The following SPRR2G variants were observed in gnomAD, a reference collection of about 807,000 sequenced individuals.
SPRR2G encodes small proline rich protein 2G.
Under a neutral mutation model 0.7 loss-of-function variants are expected in SPRR2G, and 1 was observed. The ratio of observed to expected loss-of-function variants is 1.49; its 90% confidence interval spans 0.53 to 7.06. The LOEUF (loss-of-function observed/expected upper bound fraction) is 7.06, where lower values mean the gene tolerates loss of function less well. Among genes scored for constraint, SPRR2G ranks in the 30% most tolerant of loss-of-function variants. The probability of loss-of-function intolerance (pLI) is 0.14; values close to 1 mark genes in which losing one functional copy is unlikely to be tolerated. For synonymous variants in SPRR2G, 38 were observed against 33.9 expected (o/e 1.12, Z -0.42); for missense variants, 96 against 88.5 (o/e 1.09, Z -0.34).
chr1:153,198,100 T>C, the SPRR2G span, among the ~76,000 whole-genome samples: 1 of 152,136 alleles, frequency 6.6e-6, no homozygotes, highest in African/African-American at 2.4e-5. Context: ...AGAGAAATCA[T>C]GCCCAAGGAG....
At chr1:153,195,692 A>T in the SPRR2G span, among the ~76,000 whole-genome samples, 1 of 152,270 alleles carries the variant, frequency 6.6e-6, no homozygotes, top group African/African-American at 2.4e-5. Flanking sequence ...CAATTACAAC[A>T]TTTATTTATC....
chr1:153,192,235 A>T, the SPRR2G span, among the ~76,000 whole-genome samples: 1 of 152,208 alleles, frequency 6.6e-6, no homozygotes, highest in Admixed American at 6.5e-5. Flanking sequence ...AAGGCAGAGC[A>T]GAGGATGTCT....
At chr1:153,171,492 C>A in the SPRR2G span, among the ~76,000 whole-genome samples, 1 of 152,146 alleles carries the variant, frequency 6.6e-6, no homozygotes, top group African/African-American at 2.4e-5. Flanking sequence ...ACACCATATA[C>A]CCTTTCAGTA....
At chr1:153,172,257 T>C in the SPRR2G span, among the ~76,000 whole-genome samples, 1 of 152,222 alleles carries the variant, frequency 6.6e-6, no homozygotes, top group Admixed American at 6.5e-5. Context: ...TTCTCCAGAC[T>C]GTCCCATTTA....
the SPRR2G span, among the ~76,000 whole-genome samples, chr1:153,198,243 C>T: frequency 2.0e-5 from 3 of 152,176 alleles, no homozygotes; most frequent in South Asian, 2.1e-4. Flanking sequence ...CCAGAATCTA[C>T]GGTAAAAGTA....
At chr1:153,163,444 T>C in the SPRR2G span, among the ~76,000 whole-genome samples, 1 of 152,178 alleles carries the variant, frequency 6.6e-6, no homozygotes, top group Non-Finnish European at 1.5e-5. Flanking sequence ...CAATTGGAAT[T>C]ATGGGTGATA....
At chr1:153,198,126 C>T in the SPRR2G span, among the ~76,000 whole-genome samples, 1 of 151,976 alleles carries the variant, frequency 6.6e-6, no homozygotes, top group East Asian at 1.9e-4. Context: ...CCTATGAGTT[C>T]AAGGTTGAGG....
chr1:153,150,639 C>T (rs535638142), intron 1 of SPRR2G, among the ~76,000 whole-genome samples: 1 of 152,288 alleles, frequency 6.6e-6, no homozygotes, highest in South Asian at 2.1e-4. Context: ...TCTCACTCTC[C>T]TTCAGTTTAA....
chr1:153,187,344 C>T, the SPRR2G span, among the ~76,000 whole-genome samples: 1 of 152,142 alleles, frequency 6.6e-6, no homozygotes, highest in African/African-American at 2.4e-5. Context: ...ACCAATCAAT[C>T]GTATGTTTGC....
chr1:153,155,525 A>G (rs973803251), upstream of SPRR2G, among the ~76,000 whole-genome samples: 1 of 152,174 alleles, frequency 6.6e-6, no homozygotes, highest in Admixed American at 6.5e-5. Flanking sequence ...TTCCTAATAT[A>G]GCTGTCTTCC....
chr1:153,196,995 A>T, the SPRR2G span, among the ~76,000 whole-genome samples: 3 of 152,090 alleles, frequency 2.0e-5, no homozygotes, highest in Admixed American at 6.5e-5. Context: ...AGTCCGGTAG[A>T]GCTTCACTCA....
At chr1:153,152,633 A>G (rs1656496394), upstream of SPRR2G, among the ~76,000 whole-genome samples, 1 of 152,224 alleles carries the variant, frequency 6.6e-6, no homozygotes, top group Non-Finnish European at 1.5e-5. Flanking sequence ...CATCTAAGTT[A>G]CTATCAGGAA....
At chr1:153,196,107 G>T in the SPRR2G span, among the ~76,000 whole-genome samples, 1 of 152,144 alleles carries the variant, frequency 6.6e-6, no homozygotes, top group Non-Finnish European at 1.5e-5. Flanking sequence ...CAAATTGTAA[G>T]TGTATTAATA....
chr1:153,153,034 C>G (rs1220778648), upstream of SPRR2G, among the ~76,000 whole-genome samples: 1 of 152,116 alleles, frequency 6.6e-6, no homozygotes, highest in Non-Finnish European at 1.5e-5. Flanking sequence ...ATAATGGGCA[C>G]TTGAAGCACT....
At chr1:153,150,543 T>G (rs1289215175) in intron 1 of SPRR2G, among the ~76,000 whole-genome samples, 1 of 152,146 alleles carries the variant, frequency 6.6e-6, no homozygotes, top group Admixed American at 6.5e-5. Context: ...TGCAAAAACT[T>G]GCACCCATCA....
the SPRR2G span, among the ~76,000 whole-genome samples, chr1:153,157,994 T>C: frequency 1.3e-5 from 2 of 152,018 alleles, no homozygotes; most frequent in Non-Finnish European, 1.5e-5. Context: ...TTCAATTACC[T>C]CCCAACAGGT....
the SPRR2G span, among the ~76,000 whole-genome samples, chr1:153,201,641 A>G: frequency 6.6e-6 from 1 of 152,228 alleles, no homozygotes; most frequent in African/African-American, 2.4e-5. Context: ...TCTATCGCCA[A>G]TTATTCCAGT....
chr1:153,170,288 G>GA, the SPRR2G span, among the ~76,000 whole-genome samples: 2 of 152,002 alleles, frequency 1.3e-5, no homozygotes, highest in Admixed American at 6.6e-5. Flanking sequence ...AAAGCTCCTT[G>GA]AAAAAATTAC....
chr1:153,160,729 T>G, the SPRR2G span, among the ~76,000 whole-genome samples: 2 of 151,734 alleles, frequency 1.3e-5, no homozygotes, highest in African/African-American at 4.9e-5. Context: ...CACCCAGCCA[T>G]CCCATTACTG....
Sources: allele counts gnomAD v4.1 joint callset (sites outside exome capture counted in the v4.1 genomes callset), GRCh38; gene constraint gnomAD v4.1.1; transcripts MANE v1.5; gene names NCBI Gene and HGNC (gene_info 2026-07-23, HGNC 2026-07-21).